Variants in C1orf56 observed in about 807,000 individuals in gnomAD.
C1orf56 encodes protein MENT.
A neutral mutation model predicts 20.7 loss-of-function variants in C1orf56; 14 were observed. The observed-to-expected ratio is 0.68, with a 90% confidence interval of 0.45 to 1.06. The LOEUF is 1.06. Among genes scored for constraint, C1orf56 ranks in the 50% least tolerant of loss-of-function variants. The probability of loss-of-function intolerance (pLI) is 0.00; values close to 1 mark genes in which losing one functional copy is unlikely to be tolerated. For synonymous variants in C1orf56, 187 were observed against 194.7 expected (o/e 0.96, Z 0.33); for missense variants, 424 against 451.4 (o/e 0.94, Z 0.55).
chr1:151,048,647 GTC>G lies in C1orf56; in HGVS notation c.804_805del (p.Cys269TyrfsTer2). On this transcript the variant is annotated frameshift_variant, in exon 1 of 2. Transcript: ENST00000368926. LOFTEE classifies it high-confidence loss of function. The surrounding 1 kb of genome is among the most constrained non-coding windows in gnomAD (Gnocchi z 4.8). ...CGGGAAGAGTGCCCCCTGGACACAAGTCTCTGTACTGACACCAACTGTGCCTC... is the reference window on the plus strand; with the variant it reads ...CGGGAAGAGTGCCCCCTGGACACAAGTCTGTACTGACACCAACTGTGCCTC... 6.2e-7 allele frequency: 1 copy of G among 1,614,038 alleles called. No homozygotes were observed. Among genetic ancestry groups the G allele is most frequent in the Non-Finnish European group, 8.5e-7 (1 of 1,179,946 alleles).
chr1:151,047,771 A>G lies in C1orf56; in HGVS notation c.-77A>G, dbSNP rs1676083653. The G allele has an allele frequency of 7.0e-7, 1 of 1,438,696 alleles. No individual in the cohort carries two copies. The highest frequency in any genetic ancestry group is 9.1e-7 in the Non-Finnish European group (1 of 1,101,140). 89.1% of individuals were successfully genotyped at this position (1,438,696 alleles called of 1,614,324 possible). ...GGTTCAAACGACCCGGTGGGTCTAC[A>G]GCGGAAGGGAGGGAGCGAAGGTAGG... On this transcript the variant is annotated 5_prime_UTR_variant, in exon 1 of 2. Transcript: ENST00000368926.
rs1255638006 is a variant in C1orf56, at chr1:151,048,375, C to T, written c.528C>T (p.Ser176=). 1 of 1,613,228 alleles carries T rather than the reference C, an allele frequency of 6.2e-7. No individual in the cohort carries two copies. Among genetic ancestry groups the T allele is most frequent in the Non-Finnish European group, 8.5e-7 (1 of 1,179,956 alleles). Reference sequence around the variant, plus strand: ...CGCAGGCCACCCTGAGCCAGTGGTCCACACCTGGGTCTACCCCGAGCCGGT... The same window carrying T: ...CGCAGGCCACCCTGAGCCAGTGGTCTACACCTGGGTCTACCCCGAGCCGGT... The part of the protein sequence containing the change: ...PGSQATLSQW[S]TPGSTPSRWP... Residue 176 remains serine (S), a synonymous_variant, in exon 1 of 2, where the codon TCC becomes TCT. Transcript: ENST00000368926. The surrounding 1 kb of genome is among the most constrained non-coding windows in gnomAD (Gnocchi z 4.8).
rs74125055 is a variant in C1orf56 at position 151,050,819 on chromosome 1, C to T, written c.*361C>T. The T allele has an allele frequency of 0.028, 5,292 of 192,228 alleles. 290 individuals are homozygous for T. Among genetic ancestry groups the T allele is most frequent in the African/African-American group, 0.11 (4,880 of 42,848 alleles). The allele number at this position is 192,228 out of a possible 1,614,324, so 11.9% of individuals were successfully genotyped here. A position where few individuals can be genotyped will look rare whatever the true frequency, so the allele number is the denominator to read the frequency against. ...GGAGTAGGAAGAACAAGGAGTTGAGCCCTTGAAAGATGACAGTGGTCTTCT... is the reference window on the plus strand; with the variant it reads ...GGAGTAGGAAGAACAAGGAGTTGAGTCCTTGAAAGATGACAGTGGTCTTCT... On this transcript the variant is annotated 3_prime_UTR_variant, in exon 2 of 2. Coordinates refer to ENST00000368926, the MANE Select transcript of C1orf56 (RefSeq NM_017860.5).
intron 1 of C1orf56, among the ~76,000 whole-genome samples, chr1:151,050,202 C>T (rs1676147015): frequency 6.6e-6 from 1 of 152,176 alleles, no homozygotes; most frequent in African/African-American, 2.4e-5. Context: ...TCAATTGATA[C>T]GGATGATAGG....
Position 151,047,813 on chromosome 1 carries a change from A to C in C1orf56, c.-35A>C, listed in dbSNP as rs1304220627. ...GAAGGTAGGAGGCAGGGCTTGCCTC[A>C]CTGGCCACCCTCCCAACCCCAAGAG... is the stretch of plus-strand genomic sequence containing the variant. On this transcript the variant is annotated 5_prime_UTR_variant, in exon 1 of 2. Transcript: ENST00000368926. 6.7e-7 allele frequency: 1 copy of C among 1,501,230 alleles called. No individual in the cohort carries two copies. The highest frequency in any genetic ancestry group is 8.8e-7 in the Non-Finnish European group (1 of 1,132,262). 93.0% of individuals were successfully genotyped at this position (1,501,230 alleles called of 1,614,324 possible).
In C1orf56 at chr1:151,048,260, G is replaced by T; in HGVS notation, c.413G>T (p.Arg138Met). 6.2e-7 allele frequency: 1 copy of T among 1,614,242 alleles called. No individual in the cohort carries two copies. The highest frequency in any genetic ancestry group is 1.1e-5 in the South Asian group (1 of 91,088). Residue 138 changes from arginine (R) to methionine (M), a missense_variant, in exon 1 of 2, where the codon AGG becomes ATG. Arg to Met is a moderately conservative substitution (Grantham distance 91). Coordinates refer to ENST00000368926, the MANE Select transcript of C1orf56 (RefSeq NM_017860.5). This position sits in a 1 kb window ranked among gnomAD's most constrained non-coding sequence, Gnocchi z 4.8. ...TPNTAGSSST[R>M]FIANSQEPEI... is the part of the protein sequence containing the mutation. ...AATACAGCGGGGAGTTCCAGCACGAGGTTTATAGCCAATAGTCAGGAGCCT... is the reference window on the plus strand; with the variant it reads ...AATACAGCGGGGAGTTCCAGCACGATGTTTATAGCCAATAGTCAGGAGCCT...
rs1276884768 is a variant in C1orf56, at chr1:151,048,131, G to A, written c.284G>A (p.Ser95Asn). 3 of 1,613,478 alleles carry A rather than the reference G, an allele frequency of 1.9e-6. No individual in the cohort carries two copies. The highest frequency in any genetic ancestry group is 1.3e-5 in the African/African-American group (1 of 74,952). ...GCCGCCACGGTGTCCACCGGCTTTA[G>A]CCGGTCGTCCGCCATTAACGAGGAG... is the stretch of plus-strand genomic sequence containing the variant. The part of the protein sequence containing the change: ...LLAATVSTGF[S>N]RSSAINEEDG... The change falls in exon 1 of 2, where the codon AGC (serine) becomes AAC (asparagine). Residue 95 changes from serine (S) to asparagine (N), a missense_variant. Physicochemically the swap from Ser to Asn is conservative, Grantham distance 46 (BLOSUM62 1). Transcript: ENST00000368926. This position sits in a 1 kb window ranked among gnomAD's most constrained non-coding sequence, Gnocchi z 4.8.
rs373294785 is a variant in C1orf56, at chr1:151,048,545, T to G, written c.698T>G (p.Leu233Arg). ...AAGCTGCACGGCCTTTCCGGGCGCC[T>G]TCGAGTTGGGGCGCTGAGCCAGCTC... The part of the protein sequence containing the change: ...SGKLHGLSGR[L>R]RVGALSQLRT... The change falls in exon 1 of 2, where the codon CTT (leucine) becomes CGT (arginine). Residue 233 changes from leucine (L) to arginine (R), a missense_variant. By Grantham distance (102) the Leu-to-Arg change is moderately radical. Coordinates refer to ENST00000368926, the MANE Select transcript of C1orf56 (RefSeq NM_017860.5). This position sits in a 1 kb window ranked among gnomAD's most constrained non-coding sequence, Gnocchi z 4.8. 6 of 1,613,718 alleles carry G rather than the reference T, an allele frequency of 3.7e-6. No homozygotes were observed. Among genetic ancestry groups the G allele is most frequent in the Non-Finnish European group, 5.1e-6 (6 of 1,180,038 alleles).
Position 151,048,510 on chromosome 1 carries a change from C to G in C1orf56, c.663C>G (p.Ser221Arg). ...GCAAGTCGGGCACCATGAGCCGGAG[C>G]CGGTCTGGGAAGCTGCACGGCCTTT... ...CHCKSGTMSR[S>R]RSGKLHGLSG... The change falls in exon 1 of 2, where the codon AGC (serine) becomes AGG (arginine). Residue 221 changes from serine (S) to arginine (R), a missense_variant. Transcript: ENST00000368926. The surrounding 1 kb of genome is among the most constrained non-coding windows in gnomAD (Gnocchi z 4.8). 2.5e-6 allele frequency: 4 copies of G among 1,611,500 alleles called. No homozygotes were observed. The highest frequency in any genetic ancestry group is 3.4e-6 in the Non-Finnish European group (4 of 1,179,978).
Position 151,048,019 on chromosome 1 carries a change from C to T in C1orf56, c.172C>T (p.Arg58Trp). ...YRSTARTGLP[R>W]KTRIILEDEN... The stretch of plus-strand genomic sequence containing the variant: ...GAGCACCGCCCGGACTGGTCTTCCC[C>T]GGAAGACAAGGATAATCCTAGAGGA... Residue 58 changes from arginine (R) to tryptophan (W), a missense_variant, in exon 1 of 2, where the codon CGG becomes TGG. By Grantham distance (101) the Arg-to-Trp change is moderately radical. Transcript: ENST00000368926. The surrounding 1 kb of genome is among the most constrained non-coding windows in gnomAD (Gnocchi z 4.8). The T allele has an allele frequency of 6.2e-7, 1 of 1,614,042 alleles. No individual in the cohort carries two copies. The highest frequency in any genetic ancestry group is 1.1e-5 in the South Asian group (1 of 91,088).
At position 151,048,409 on chromosome 1, in the gene C1orf56, C is replaced by T. The variant is rs1314110996; in HGVS notation, c.562C>T (p.Pro188Ser). ...GTCTACCCCGAGCCGGTGGCCGTCACCCTCACCCACAGCCATGCCATCTCC... is the reference window on the plus strand; with the variant it reads ...GTCTACCCCGAGCCGGTGGCCGTCATCCTCACCCACAGCCATGCCATCTCC... Reference protein sequence around the residue: ...PGSTPSRWPSPSPTAMPSPED... With the variant: ...PGSTPSRWPSSSPTAMPSPED... Residue 188 changes from proline (P) to serine (S), a missense_variant, in exon 1 of 2, where the codon CCC (proline) becomes TCC (serine). Pro to Ser is a moderately conservative substitution (Grantham distance 74). Coordinates refer to ENST00000368926, the MANE Select transcript of C1orf56 (RefSeq NM_017860.5). The surrounding 1 kb of genome is among the most constrained non-coding windows in gnomAD (Gnocchi z 4.8). The T allele has an allele frequency of 3.1e-6, 5 of 1,610,950 alleles. No individual in the cohort carries two copies. Among genetic ancestry groups the T allele is most frequent in the African/African-American group, 1.3e-5 (1 of 74,954 alleles).
chr1:151,048,395 G>A lies in C1orf56; in HGVS notation c.548G>A (p.Ser183Asn), dbSNP rs1400941503. 5 of 1,611,844 alleles carry A rather than the reference G, an allele frequency of 3.1e-6. No individual in the cohort carries two copies. The highest frequency in any genetic ancestry group is 4.2e-6 in the Non-Finnish European group (5 of 1,179,960). ...SQWSTPGSTPSRWPSPSPTAM... is the reference protein window; with the variant it reads ...SQWSTPGSTPNRWPSPSPTAM... ...TGGTCCACACCTGGGTCTACCCCGA[G>A]CCGGTGGCCGTCACCCTCACCCACA... The change falls in exon 1 of 2, where the codon AGC becomes AAC. Residue 183 changes from serine (S) to asparagine (N), a missense_variant. Transcript: ENST00000368926. This position sits in a 1 kb window ranked among gnomAD's most constrained non-coding sequence, Gnocchi z 4.8.
At position 151,048,046 on chromosome 1, in the gene C1orf56, G is replaced by A. The variant is rs1293814129; in HGVS notation, c.199G>A (p.Glu67Lys). 5.0e-6 allele frequency: 8 copies of A among 1,614,118 alleles called. No individual in the cohort carries two copies. Among genetic ancestry groups the A allele is most frequent in the South Asian group, 1.1e-5 (1 of 91,086 alleles). The change falls in exon 1 of 2, where the codon GAG becomes AAG. Residue 67 changes from glutamate to lysine, a missense_variant. Transcript: ENST00000368926. This position sits in a 1 kb window ranked among gnomAD's most constrained non-coding sequence, Gnocchi z 4.8. Reference protein sequence around the residue: ...PRKTRIILEDENDAMADADRL... With the variant: ...PRKTRIILEDKNDAMADADRL... ...GAAGACAAGGATAATCCTAGAGGAC[G>A]AGAATGATGCCATGGCCGACGCCGA...
chr1:151,048,497 C>T lies in C1orf56; in HGVS notation c.650C>T (p.Thr217Ile), dbSNP rs774364683. The change falls in exon 1 of 2, where the codon ACC becomes ATC. Residue 217 changes from threonine to isoleucine, a missense_variant. By Grantham distance (89) the Thr-to-Ile change is moderately conservative. Transcript: ENST00000368926. This position sits in a 1 kb window ranked among gnomAD's most constrained non-coding sequence, Gnocchi z 4.8. ...TGGCACTGCCACTGCAAGTCGGGCA[C>T]CATGAGCCGGAGCCGGTCTGGGAAG... ...GPWHCHCKSG[T>I]MSRSRSGKLH... The T allele has an allele frequency of 1.2e-6, 2 of 1,610,368 alleles. No individual in the cohort carries two copies. Among genetic ancestry groups the T allele is most frequent in the South Asian group, 2.2e-5 (2 of 91,054 alleles).
Position 151,047,822 on chromosome 1 carries a change from C to A in C1orf56, c.-26C>A. 1 of 1,510,804 alleles carries A rather than the reference C, an allele frequency of 6.6e-7. No homozygotes were observed. Among genetic ancestry groups the A allele is most frequent in the East Asian group, 2.3e-5 (1 of 43,482 alleles). 93.6% of individuals were successfully genotyped at this position (1,510,804 alleles called of 1,614,324 possible). Reference sequence around the variant, plus strand: ...AGGCAGGGCTTGCCTCACTGGCCACCCTCCCAACCCCAAGAGCCCAGCCCC... The same window carrying A: ...AGGCAGGGCTTGCCTCACTGGCCACACTCCCAACCCCAAGAGCCCAGCCCC... On this transcript the variant is annotated 5_prime_UTR_variant, in exon 1 of 2. Transcript: ENST00000368926.
chr1:151,049,430 GT>G (rs1676131789), intron 1 of C1orf56, among the ~76,000 whole-genome samples: 3 of 151,626 alleles, frequency 2.0e-5, no homozygotes, highest in South Asian at 2.1e-4. Context: ...GAAATTCTCT[GT>G]TTTTTTCACA....
rs1181443050 is a variant in C1orf56, at chr1:151,047,799, G to A, written c.-49G>A. Reference sequence around the variant, plus strand: ...GGAAGGGAGGGAGCGAAGGTAGGAGGCAGGGCTTGCCTCACTGGCCACCCT... The same window carrying A: ...GGAAGGGAGGGAGCGAAGGTAGGAGACAGGGCTTGCCTCACTGGCCACCCT... On this transcript the variant is annotated 5_prime_UTR_variant, in exon 1 of 2. Transcript: ENST00000368926. 6.8e-7 allele frequency: 1 copy of A among 1,473,638 alleles called. No homozygotes were observed. Among genetic ancestry groups the A allele is most frequent in the Non-Finnish European group, 8.9e-7 (1 of 1,118,956 alleles). 91.3% of individuals were successfully genotyped at this position (1,473,638 alleles called of 1,614,324 possible).
rs778359132 is a variant in C1orf56 at position 151,048,314 on chromosome 1, G to A, written c.467G>A (p.Arg156His). Residue 156 changes from arginine to histidine, a missense_variant, in exon 1 of 2, where the codon CGC (arginine) becomes CAC (histidine). Coordinates refer to ENST00000368926, the MANE Select transcript of C1orf56 (RefSeq NM_017860.5). The surrounding 1 kb of genome is among the most constrained non-coding windows in gnomAD (Gnocchi z 4.8). ...PEIRLTSSLP[R>H]SPGRSTEDLP... ...ATCAGGCTGACTTCAAGCCTGCCGC[G>A]CTCCCCCGGGAGGTCTACTGAGGAC... 15 of 1,614,004 alleles carry A rather than the reference G, an allele frequency of 9.3e-6. No individual in the cohort carries two copies. Among genetic ancestry groups the A allele is most frequent in the Non-Finnish European group, 2.5e-6 (3 of 1,180,028 alleles).
At chr1:151,050,361 G>A (rs1676150416) in intron 1 of C1orf56, 77 bp from the exon 2 acceptor site, 3 of 1,412,984 alleles carry the variant, frequency 2.1e-6, no homozygotes, top group East Asian at 4.6e-5. Flanking sequence ...GTGGGAGGGG[G>A]AGATGAAGCA....
Sources: allele counts gnomAD v4.1 joint callset (sites outside exome capture counted in the v4.1 genomes callset), GRCh38; gene constraint gnomAD v4.1.1; non-coding constraint Gnocchi (gnomAD v3.1); transcripts MANE v1.5; gene names NCBI Gene and HGNC (gene_info 2026-07-23, HGNC 2026-07-21).